CLEC19A: variants seen among roughly 807,000 people sequenced by gnomAD.
The protein encoded by CLEC19A is C-type lectin domain containing 19A, also known as C-type lectin domain family 19 member A.
A neutral mutation model predicts 26.1 loss-of-function variants in CLEC19A; 21 were observed. The observed-to-expected ratio is 0.80, with a 90% CI of 0.57 to 1.16. CLEC19A has a LOEUF of 1.16. Among genes scored for constraint, CLEC19A ranks in the 50% most tolerant of loss-of-function variants. The pLI, the probability that CLEC19A is intolerant of heterozygous loss-of-function variation, is 0.00. For missense variants in CLEC19A, 224 were observed against 227.6 expected (o/e 0.98, Z 0.10); for synonymous variants, 89 against 88.6 (o/e 1.00, Z -0.03).
intron 3 of CLEC19A, chr16:19,305,222 A>G (rs1394517011): frequency 6.6e-6 from 1 of 152,282 alleles, no homozygotes; most frequent in Non-Finnish European, 1.5e-5. Context: ...CCTCCTTAGT[A>G]AGAGATATTT....
chr16:19,288,320 A>G (rs904185810), intron 1 of CLEC19A, among the ~76,000 whole-genome samples: 2 of 152,016 alleles, frequency 1.3e-5, no homozygotes, highest in Admixed American at 1.3e-4. Context: ...TGTTGTAGGG[A>G]GGATTTAGGG....
chr16:19,286,505 T>A (rs1334257042), intron 1 of CLEC19A, among the ~76,000 whole-genome samples: 1 of 152,192 alleles, frequency 6.6e-6, no homozygotes, highest in Non-Finnish European at 1.5e-5. Context: ...TCCCCAGGGA[T>A]GAGAACCTGT....
At chr16:19,289,614 C>T (rs950150460) in intron 1 of CLEC19A, among the ~76,000 whole-genome samples, 2 of 152,158 alleles carry the variant, frequency 1.3e-5, no homozygotes, top group South Asian at 2.1e-4. Flanking sequence ...GGGGATGATA[C>T]GGATACTCCC....
chr16:19,294,824 A>G (rs765491056), intron 1 of CLEC19A, among the ~76,000 whole-genome samples: 15 of 152,302 alleles, frequency 9.8e-5, no homozygotes, highest in South Asian at 2.1e-4. Flanking sequence ...GAAAATAGGA[A>G]CAGGCTAAGA....
At chr16:19,299,944 C>T (rs1371183690) in intron 2 of CLEC19A, among the ~76,000 whole-genome samples, 1 of 152,144 alleles carries the variant, frequency 6.6e-6, no homozygotes, top group South Asian at 2.1e-4. Flanking sequence ...GGAAAGGGGG[C>T]CAGGTGTGTT....
intron 2 of CLEC19A, among the ~76,000 whole-genome samples, chr16:19,302,576 T>C (rs1897859470): frequency 6.6e-6 from 1 of 152,242 alleles, no homozygotes; most frequent in Non-Finnish European, 1.5e-5. Flanking sequence ...TCTGTATTGA[T>C]TTCTTTGACA....
At chr16:19,302,512 C>T (rs528875684) in intron 2 of CLEC19A, among the ~76,000 whole-genome samples, 5 of 152,264 alleles carry the variant, frequency 3.3e-5, no homozygotes, top group East Asian at 1.9e-4. Flanking sequence ...AAAGGTACAT[C>T]GACATGGCCA....
rs780872847 is a variant in CLEC19A, at chr16:19,285,829, A to C, written c.-23A>C. On this transcript the variant is annotated 5_prime_UTR_variant, in exon 1 of 5. Transcript: ENST00000636231. ...GCCTCTCTCCTCCACTCAGGCTGGG[A>C]GGTTGCTTTCTAGGAGCTCAGGATG... 6.5e-7 allele frequency: 1 copy of C among 1,548,320 alleles called. No individual in the cohort carries two copies. The highest frequency in any genetic ancestry group is 1.2e-5 in the South Asian group (1 of 84,022).
chr16:19,302,900 A>G (rs983551902), intron 2 of CLEC19A, among the ~76,000 whole-genome samples: 2 of 152,174 alleles, frequency 1.3e-5, no homozygotes, highest in South Asian at 4.1e-4. Context: ...TCTTCTCCAC[A>G]TACCTCCCTC....
At chr16:19,300,726 A>G (rs1277617717) in intron 2 of CLEC19A, among the ~76,000 whole-genome samples, 8 of 152,240 alleles carry the variant, frequency 5.3e-5, no homozygotes, top group Admixed American at 5.2e-4. Context: ...ACAGGTGTCT[A>G]AAACAGATAA....
At position 19,298,812 on chromosome 16, in the gene CLEC19A, G is replaced by A; in HGVS notation, c.228G>A (p.Lys76=). 1 of 1,550,580 alleles carries A rather than the reference G, an allele frequency of 6.4e-7. No individual in the cohort carries two copies. Among genetic ancestry groups the A allele is most frequent in the Non-Finnish European group, 8.7e-7 (1 of 1,146,956 alleles). ...GTTCTGAGTTCTCTGTGGGCAGGAAGTCCGCCAAGCTGGCCTCCATCCACA... is the reference window on the plus strand; with the variant it reads ...GTTCTGAGTTCTCTGTGGGCAGGAAATCCGCCAAGCTGGCCTCCATCCACA... The part of the protein sequence containing the change: ...LYCSEFSVGR[K]SAKLASIHSW... Residue 76 remains lysine (K), a synonymous_variant, in exon 2 of 5, where the codon AAG becomes AAA. Coordinates refer to ENST00000636231, the MANE Select transcript of CLEC19A (RefSeq NM_001256720.2).
chr16:19,286,696 C>T (rs1897477371), intron 1 of CLEC19A, among the ~76,000 whole-genome samples: 2 of 152,290 alleles, frequency 1.3e-5, no homozygotes, highest in South Asian at 2.1e-4. Flanking sequence ...GTCACCTCTA[C>T]CAGGTTCTTT....
intron 2 of CLEC19A, among the ~76,000 whole-genome samples, chr16:19,300,562 A>C (rs1291996078): frequency 2.0e-5 from 3 of 151,160 alleles, no homozygotes; most frequent in Non-Finnish European, 2.9e-5. Context: ...AAAAAAAAAA[A>C]ATAGAGAAGG....
intron 1 of CLEC19A, among the ~76,000 whole-genome samples, chr16:19,286,922 A>C (rs1159847607): frequency 6.6e-6 from 1 of 151,758 alleles, no homozygotes; most frequent in African/African-American, 2.4e-5. Flanking sequence ...TTAATAAATT[A>C]TTTCTTAGTG....
intron 2 of CLEC19A, among the ~76,000 whole-genome samples, chr16:19,300,432 C>T (rs559787913): frequency 4.6e-5 from 7 of 151,600 alleles, no homozygotes; most frequent in African/African-American, 1.7e-4. Context: ...CCTGTAGTCC[C>T]AGCTACTCGG....
intron 2 of CLEC19A, among the ~76,000 whole-genome samples, chr16:19,302,086 G>T (rs568156802): frequency 6.6e-6 from 1 of 151,978 alleles, no homozygotes; most frequent in Non-Finnish European, 1.5e-5. Flanking sequence ...AGTGAGCAAG[G>T]CTTGTCTCAC....
At chr16:19,293,295 C>T (rs1897629108) in intron 1 of CLEC19A, among the ~76,000 whole-genome samples, 2 of 152,060 alleles carry the variant, frequency 1.3e-5, no homozygotes, top group Admixed American at 1.3e-4. Context: ...TAAGTTGGAT[C>T]TGAGCACAAA....
intron 2 of CLEC19A, among the ~76,000 whole-genome samples, chr16:19,299,401 C>A (rs898703947): frequency 1.8e-4 from 28 of 152,180 alleles, no homozygotes; most frequent in African/African-American, 6.3e-4. Flanking sequence ...AGGTAAGTAA[C>A]TTGCTCACAT....
At chr16:19,308,258 A>G (rs936698904) in intron 4 of CLEC19A, among the ~76,000 whole-genome samples, 5 of 152,078 alleles carry the variant, frequency 3.3e-5, no homozygotes, top group Non-Finnish European at 7.4e-5. Flanking sequence ...CACAGTTGAT[A>G]TAGCACCGTG....
Sources: gnomAD v4.1 joint callset for allele counts (sites outside exome capture counted in the v4.1 genomes callset) on GRCh38, gnomAD v4.1.1 for gene constraint, MANE v1.5 for transcripts, NCBI Gene and HGNC (gene_info 2026-07-23, HGNC 2026-07-21) for gene names.